Variants in PPIL1 observed in about 807,000 individuals in gnomAD.
PPIL1 encodes the protein peptidylprolyl isomerase like 1, also known as peptidyl-prolyl cis-trans isomerase-like 1.
Under a neutral mutation model 19.4 loss-of-function variants are expected in PPIL1, and 14 were observed. The observed-to-expected ratio is 0.72, with a 90% CI of 0.48 to 1.13. The LOEUF (loss-of-function observed/expected upper bound fraction) is 1.13. Ranked by LOEUF, PPIL1 falls within the 50% of genes most tolerant of loss-of-function variation. PPIL1 has a pLI of 0.00. For missense variants in PPIL1, 192 were observed against 218.0 expected, an observed-to-expected ratio of 0.88 and a Z score of 0.75; for synonymous variants, 72 against 73.6, an observed-to-expected ratio of 0.98 and a Z score of 0.11.
chr6:36,861,567 A>G (rs1349930125), intron 2 of PPIL1, among the ~76,000 whole-genome samples: 1 of 152,072 alleles, frequency 6.6e-6, no homozygotes, highest in Non-Finnish European at 1.5e-5. Flanking sequence ...TCTGTCAGTG[A>G]ATGTTTTGCA....
At chr6:36,860,522 G>A (rs182611158) in intron 2 of PPIL1, among the ~76,000 whole-genome samples, 3 of 151,888 alleles carry the variant, frequency 2.0e-5, no homozygotes, top group Admixed American at 6.6e-5. Context: ...TTTCAGACAC[G>A]CAAACATACA....
intron 2 of PPIL1, among the ~76,000 whole-genome samples, chr6:36,865,387 C>G (rs1243393316): frequency 1.3e-5 from 2 of 152,184 alleles, no homozygotes; most frequent in Non-Finnish European, 1.5e-5. Context: ...CCTAAACAGG[C>G]AGTTCCGAGA....
chr6:36,864,805 T>C (rs551134455), intron 2 of PPIL1, among the ~76,000 whole-genome samples: 1 of 152,342 alleles, frequency 6.6e-6, no homozygotes, highest in Non-Finnish European at 1.5e-5. Context: ...AGTACATTCT[T>C]TTTTCCATAT....
chr6:36,874,659 T>C (rs1436900986), intron 1 of PPIL1, 58 bp downstream of exon 1: 8 of 1,591,430 alleles, frequency 5.0e-6, no homozygotes, highest in African/African-American at 4.0e-5. Flanking sequence ...CGCAGACCCG[T>C]GGTGAGGCCC....
At chr6:36,868,062 A>C (rs1774429197) in intron 2 of PPIL1, among the ~76,000 whole-genome samples, 1 of 152,214 alleles carries the variant, frequency 6.6e-6, no homozygotes. Context: ...AAACCCAGGA[A>C]CTCAGCCTGG....
rs149909134 is a variant in PPIL1 at position 36,871,422 on chromosome 6, A to G, written c.211+296T>C. ...TATTGATCAGACTACTTGCATCACT[A>G]TAATTCAGACAAATATTATTTGTTC... On this transcript the variant is annotated intron_variant, in intron 2 of 3. Coordinates refer to ENST00000373699, the MANE Select transcript of PPIL1 (RefSeq NM_016059.5). Among the ~76,000 whole-genome samples, 103 of 152,366 alleles carry G rather than the reference A, an allele frequency of 6.8e-4. 3 individuals carry two copies. The East Asian group carries it at 0.018, about 26-fold the overall frequency.
chr6:36,874,078 T>C (rs1395781053), intron 1 of PPIL1, among the ~76,000 whole-genome samples: 1 of 152,198 alleles, frequency 6.6e-6, no homozygotes, highest in Non-Finnish European at 1.5e-5. Context: ...TTACTAGCTG[T>C]GTGGCTTTGG....
chr6:36,871,785 G>T lies in PPIL1; in HGVS notation c.144C>A (p.Tyr48Ter). The T allele has an allele frequency of 6.2e-7, 1 of 1,611,574 alleles. No individual in the cohort carries two copies. The highest frequency in any genetic ancestry group is 8.5e-7 in the Non-Finnish European group (1 of 1,179,002). Residue 48 changes from tyrosine (Y) to a stop codon, truncating the protein, a stop_gained, in exon 2 of 4, where the codon TAC (tyrosine) becomes TAA (stop). Transcript: ENST00000373699. LOFTEE classifies it high-confidence loss of function. ...TAATTCTGTGGAATTTTGTGCCATT[G>T]TAGTAACCTCGACGAGCCAACTCAG... The part of the protein sequence containing the change: ...NFAELARRGY[Y>*]NGTKFHRIIK...
intron 2 of PPIL1, among the ~76,000 whole-genome samples, chr6:36,868,390 A>G (rs1208168947): frequency 1.3e-5 from 2 of 152,216 alleles, no homozygotes; most frequent in African/African-American, 4.8e-5. Context: ...TAGATATGGA[A>G]GGCAAAGGTG....
At chr6:36,863,371 C>G (rs1774328868) in intron 2 of PPIL1, among the ~76,000 whole-genome samples, 4 of 152,238 alleles carry the variant, frequency 2.6e-5, no homozygotes, top group Admixed American at 2.6e-4. Context: ...AGCCCCTTCC[C>G]TTCCTACACC....
chr6:36,874,711 C>G lies in PPIL1; in HGVS notation c.56+6G>C. 1.2e-6 allele frequency: 2 copies of G among 1,614,032 alleles called. No individual in the cohort carries two copies. Among genetic ancestry groups the G allele is most frequent in the Non-Finnish European group, 1.7e-6 (2 of 1,179,936 alleles). Reference sequence around the variant, plus strand: ...CTGCCAGCCCCAGACGCCCGAACCCCCTCACCTGGTCTCCAAGTAAACGTT... The same window carrying G: ...CTGCCAGCCCCAGACGCCCGAACCCGCTCACCTGGTCTCCAAGTAAACGTT... On this transcript the variant is annotated splice_donor_region_variant and intron_variant, in intron 1 of 3. Transcript: ENST00000373699.
intron 3 of PPIL1, among the ~76,000 whole-genome samples, chr6:36,856,325 G>A (rs2071822): frequency 0.19 from 29,649 of 152,222 alleles, 3,724 homozygotes; most frequent in East Asian, 0.36. Context: ...AAGGTTTCCT[G>A]TTTCTTTGAG....
intron 2 of PPIL1, among the ~76,000 whole-genome samples, chr6:36,866,012 G>T (rs914093514): frequency 6.6e-6 from 1 of 152,204 alleles, no homozygotes; most frequent in African/African-American, 2.4e-5. Flanking sequence ...AGGATAATCA[G>T]CATATAATTA....
intron 2 of PPIL1, among the ~76,000 whole-genome samples, chr6:36,865,418 C>G (rs942127759): frequency 2.0e-5 from 3 of 152,150 alleles, no homozygotes; most frequent in Non-Finnish European, 4.4e-5. Flanking sequence ...TTACAGGGGC[C>G]TTTGAATCAC....
chr6:36,857,653 C>T (rs557444412), intron 2 of PPIL1, among the ~76,000 whole-genome samples: 5 of 152,188 alleles, frequency 3.3e-5, no homozygotes, highest in South Asian at 2.1e-4. Context: ...TGTGGTAGCA[C>T]ATGCCTGTAG....
intron 2 of PPIL1, among the ~76,000 whole-genome samples, chr6:36,862,733 A>G (rs1774315743): frequency 6.6e-6 from 1 of 152,238 alleles, no homozygotes; most frequent in Non-Finnish European, 1.5e-5. Context: ...ATAACTGCTC[A>G]CTTCCAGACG....
Position 36,856,624 on chromosome 6 carries a change from T to C in PPIL1, c.242A>G (p.Gln81Arg). The C allele has an allele frequency of 6.2e-7, 1 of 1,614,202 alleles. No homozygotes were observed. Among genetic ancestry groups the C allele is most frequent in the South Asian group, 1.1e-5 (1 of 91,088 alleles). The change falls in exon 3 of 4, where the codon CAG (glutamine) becomes CGG (arginine). Residue 81 changes from glutamine (Q) to arginine (R), a missense_variant. Gln to Arg is a conservative substitution (Grantham distance 43). Transcript: ENST00000373699. ...GRGGASIYGK[Q>R]FEDELHPDLK... The stretch of plus-strand genomic sequence containing the variant: ...GTCTGGATGAAGTTCATCTTCAAAC[T>C]GTTTGCCATAGATAGATGCACCACC...
chr6:36,855,928 A>G lies in PPIL1; in HGVS notation c.386T>C (p.Phe129Ser), dbSNP rs1774156936. 6.2e-7 allele frequency: 1 copy of G among 1,614,186 alleles called. No homozygotes were observed. The change falls in exon 4 of 4, where the codon TTT becomes TCT. Residue 129 changes from phenylalanine to serine, a missense_variant. Coordinates refer to ENST00000373699, the MANE Select transcript of PPIL1 (RefSeq NM_016059.5). ...TCCTATGCCCTGACACACTCGGCCA[A>G]AAATGGTGTGTTTGCCGTCAAGCCA... Reference protein sequence around the residue: ...TQWLDGKHTIFGRVCQGIGMV... With the variant: ...TQWLDGKHTISGRVCQGIGMV...
chr6:36,856,089 A>G (rs758695577), intron 3 of PPIL1, 56 bp from the exon 4 acceptor site: 19 of 1,535,998 alleles, frequency 1.2e-5, no homozygotes, highest in Non-Finnish European at 1.6e-5. Flanking sequence ...GGTCCAGTGT[A>G]GAGCTGCTGC....
Sources: allele counts gnomAD v4.1 joint callset (sites outside exome capture counted in the v4.1 genomes callset), GRCh38; gene constraint gnomAD v4.1.1; transcripts MANE v1.5; gene names NCBI Gene and HGNC (gene_info 2026-07-23, HGNC 2026-07-21).